CNTNAP3B: variants seen among roughly 807,000 people sequenced by gnomAD.
CNTNAP3B encodes contactin associated protein family member 3B, also known as contactin-associated protein-like 3B.
Under a neutral mutation model 108.9 loss-of-function variants are expected in CNTNAP3B, and 25 were observed. That is an observed-to-expected ratio of 0.23 (90% CI 0.17 to 0.32). CNTNAP3B has a LOEUF of 0.32. Among genes scored for constraint, CNTNAP3B ranks in the 10% least tolerant of loss-of-function variants. CNTNAP3B has a pLI of 1.00. For synonymous variants in CNTNAP3B, 103 were observed against 473.4 expected, an observed-to-expected ratio of 0.22 and a Z score of 10.16; for missense variants, 252 against 1,210.4, an observed-to-expected ratio of 0.21 and a Z score of 11.75.
At chr9:42,061,311 CTTTTTCTTTTTTTTT>C (rs1827173790) in intron 3 of CNTNAP3B, among the ~76,000 whole-genome samples, 1 of 93,116 alleles carries the variant, frequency 1.1e-5, no homozygotes, top group African/African-American at 4.3e-5. Context: ...TCTGAATTTT[CTTTTTCTTTTTTTTT>C]TTTTTTTTTT....
chr9:42,127,673 A>T (rs1272076110), intron 1 of CNTNAP3B, among the ~76,000 whole-genome samples: 1 of 139,996 alleles, frequency 7.1e-6, no homozygotes, highest in East Asian at 2.2e-4. Flanking sequence ...TCACAAAAGC[A>T]GATTAAAGTT....
chr9:41,997,883 C>T (rs1825934206), intron 5 of CNTNAP3B, 131 bp from the exon 6 acceptor site: 1 of 801,344 alleles, frequency 1.2e-6, no homozygotes, highest in African/African-American at 2.2e-5. Context: ...CTATCTTGAA[C>T]ACAATAACCT....
chr9:41,972,936 C>T (rs1425322161), intron 9 of CNTNAP3B, among the ~76,000 whole-genome samples: 1 of 47,790 alleles, frequency 2.1e-5, no homozygotes, highest in Non-Finnish European at 4.4e-5. Context: ...CTTAGGTTAT[C>T]TTTTTTTTTT....
At chr9:42,035,470 G>A (rs1363642702) in intron 3 of CNTNAP3B, among the ~76,000 whole-genome samples, 1 of 145,736 alleles carries the variant, frequency 6.9e-6, no homozygotes, top group Non-Finnish European at 1.5e-5. Context: ...AAGATCTTGG[G>A]GGTTAATAAT....
At chr9:41,937,527 A>G (rs978623343) in intron 14 of CNTNAP3B, among the ~76,000 whole-genome samples, 14 of 150,794 alleles carry the variant, frequency 9.3e-5, no homozygotes, top group African/African-American at 3.2e-4. Context: ...ACATTTACAT[A>G]TTACAAATAA....
At chr9:41,924,749 C>T (rs1164563705) in intron 15 of CNTNAP3B, among the ~76,000 whole-genome samples, 1 of 152,148 alleles carries the variant, frequency 6.6e-6, no homozygotes, top group African/African-American at 2.4e-5. Flanking sequence ...TATTTGTTCC[C>T]TTCTGTCCAA....
intron 9 of CNTNAP3B, among the ~76,000 whole-genome samples, chr9:41,983,954 GC>G (rs955148262): frequency 5.0e-5 from 5 of 99,862 alleles, no homozygotes; most frequent in African/African-American, 1.6e-4. Flanking sequence ...GGAGGCTGAG[GC>G]AGGAGAATGG....
In CNTNAP3B at chr9:41,953,190, G is replaced by A. The variant is rs1180457497; in HGVS notation, c.2073C>T (p.Asp691=). The A allele has an allele frequency of 6.6e-7, 1 of 1,522,384 alleles. No homozygotes were observed. Among genetic ancestry groups the A allele is most frequent in the Non-Finnish European group, 8.7e-7 (1 of 1,144,490 alleles). The allele number at this position is 1,522,384 out of a possible 1,614,324, so 94.3% of individuals were successfully genotyped here. ...ALRCGTARRP[D]SRDGTPLSWW... The stretch of plus-strand genomic sequence containing the variant: ...TCCAGCAGTGGCGCTTACCTCGTGA[G>A]TCCGGGCGCCGCGCTGTCCCGCAGC... The change falls in exon 13 of 24, where the codon GAC becomes GAT. Residue 691 remains aspartate (D), a synonymous_variant. Coordinates refer to ENST00000377561, the MANE Select transcript of CNTNAP3B (RefSeq NM_001201380.3).
chr9:41,959,710 T>C (rs1825001812), intron 12 of CNTNAP3B, among the ~76,000 whole-genome samples: 1 of 152,312 alleles, frequency 6.6e-6, no homozygotes, highest in Non-Finnish European at 1.5e-5. Context: ...CTGTAAAGTT[T>C]TACTATTTTT....
At chr9:42,103,559 T>TAA (rs761806373) in intron 2 of CNTNAP3B, among the ~76,000 whole-genome samples, 3 of 87,752 alleles carry the variant, frequency 3.4e-5, no homozygotes, top group African/African-American at 1.5e-4. Context: ...CCGTCCCTGC[T>TAA]AAAAAAAAAA....
At chr9:41,921,733 G>A (rs565578156) in intron 17 of CNTNAP3B, among the ~76,000 whole-genome samples, 2 of 152,282 alleles carry the variant, frequency 1.3e-5, no homozygotes, top group South Asian at 2.1e-4. Flanking sequence ...TAAATGGAGT[G>A]CAAGAACAGA....
chr9:41,923,525 C>A (rs985128016), intron 16 of CNTNAP3B, among the ~76,000 whole-genome samples: 225 of 152,310 alleles, frequency 1.5e-3, no homozygotes, highest in African/African-American at 5.2e-3. Context: ...ACTTTGGGAA[C>A]CCGAGGCAGG....
intron 13 of CNTNAP3B, among the ~76,000 whole-genome samples, chr9:41,943,549 TC>T (rs1564152384): frequency 1.3e-5 from 2 of 151,650 alleles, no homozygotes; most frequent in African/African-American, 4.9e-5. Flanking sequence ...AGACGTGGTT[TC>T]CCCGTGGTAG....
chr9:41,931,354 A>C (rs1823972841), intron 14 of CNTNAP3B, among the ~76,000 whole-genome samples: 1 of 152,170 alleles, frequency 6.6e-6, no homozygotes, highest in Non-Finnish European at 1.5e-5. Flanking sequence ...GCTATTTTGA[A>C]ATATCCAATA....
chr9:42,071,804 C>T (rs1349920731), intron 3 of CNTNAP3B, among the ~76,000 whole-genome samples: 144 of 138,376 alleles, frequency 1.0e-3, no homozygotes, highest in African/African-American at 3.8e-3. Context: ...ATGGATTGAT[C>T]GTGGAGTGTG....
intron 1 of CNTNAP3B, among the ~76,000 whole-genome samples, chr9:42,125,842 T>C (rs1204605447): frequency 7.8e-6 from 1 of 128,040 alleles, no homozygotes; most frequent in Non-Finnish European, 1.6e-5. Context: ...GGTTTCGAAC[T>C]CCCGACCTCA....
intron 1 of CNTNAP3B, among the ~76,000 whole-genome samples, chr9:42,113,725 T>G (rs1390753178): frequency 7.2e-6 from 1 of 139,678 alleles, no homozygotes; most frequent in Non-Finnish European, 1.5e-5. Flanking sequence ...ACACCTAGTA[T>G]TTGATAACAC....
intron 10 of CNTNAP3B, 125 bp from the exon 11 acceptor site, chr9:41,964,769 G>C (rs1318544719): frequency 8.0e-7 from 1 of 1,257,810 alleles, no homozygotes; most frequent in Non-Finnish European, 1.1e-6. Flanking sequence ...CGTGATTACT[G>C]GGTCTGCCAT....
At position 42,003,052 on chromosome 9, in the gene CNTNAP3B, A is replaced by G. The variant is rs928211965; in HGVS notation, c.539-4448T>C. The stretch of plus-strand genomic sequence containing the variant: ...TAGGCATGCACTACAATGCCTGGTT[A>G]ATTTTTTACTTTTTTTCTAGAGATG... On this transcript the variant is annotated intron_variant, in intron 4 of 23. Transcript: ENST00000377561. 3.1e-5 allele frequency among the ~76,000 whole-genome samples: 4 copies of G among 127,600 alleles called. 1 individual carries two copies. Among genetic ancestry groups the G allele is most frequent in the Non-Finnish European group, 6.6e-5 (4 of 60,592 alleles). The allele number at this position is 127,600 out of a possible 152,430, so 83.7% of individuals were successfully genotyped here.
Sources: gnomAD v4.1 joint callset for allele counts (sites outside exome capture counted in the v4.1 genomes callset) on GRCh38, gnomAD v4.1.1 for gene constraint, MANE v1.5 for transcripts, NCBI Gene and HGNC (gene_info 2026-07-23, HGNC 2026-07-21) for gene names.